The following SNTG1 variants were observed in gnomAD, a reference collection of about 807,000 sequenced individuals.
The protein encoded by SNTG1 is gamma-1-syntrophin.
A neutral mutation model predicts 74.7 loss-of-function variants in SNTG1; 39 were observed. The ratio of observed to expected loss-of-function variants is 0.52; its 90% CI spans 0.40 to 0.68. SNTG1 has a LOEUF of 0.68. Among genes scored for constraint, SNTG1 ranks in the 30% least tolerant of loss-of-function variants. The probability of loss-of-function intolerance (pLI) is 0.00; values close to 1 mark genes in which losing one functional copy is unlikely to be tolerated. For missense variants in SNTG1, 685 were observed against 609.5 expected (o/e 1.12, Z -1.30); for synonymous variants, 254 against 217.1 (o/e 1.17, Z -1.49).
chr8:50,642,104 C>CCTAT (rs1391462775), intron 13 of SNTG1, among the ~76,000 whole-genome samples: 1 of 152,156 alleles, frequency 6.6e-6, no homozygotes, highest in East Asian at 1.9e-4. Flanking sequence ...TTCTCAAAAT[C>CCTAT]CTATCTTTTA....
chr8:50,422,517 T>G (rs2093104882), intron 4 of SNTG1, among the ~76,000 whole-genome samples: 1 of 152,122 alleles, frequency 6.6e-6, no homozygotes, highest in Non-Finnish European at 1.5e-5. Context: ...AGAAAGAGTT[T>G]AATTGACATG....
intron 17 of SNTG1, among the ~76,000 whole-genome samples, chr8:50,737,562 G>A (rs1391913518): frequency 6.6e-6 from 1 of 152,074 alleles, no homozygotes; most frequent in Non-Finnish European, 1.5e-5. Flanking sequence ...CATTTTATGA[G>A]GCCAGCATCA....
At chr8:50,364,938 G>C (rs1326091688) in intron 2 of SNTG1, among the ~76,000 whole-genome samples, 2 of 151,646 alleles carry the variant, frequency 1.3e-5, no homozygotes, top group Non-Finnish European at 2.9e-5. Flanking sequence ...ATCATTTAAG[G>C]CTTTTTGCAA....
At position 49,959,732 on chromosome 8, in the gene SNTG1, A is replaced by G. The variant is rs530557136; in HGVS notation, c.-103+47501A>G. 9.2e-5 allele frequency among the ~76,000 whole-genome samples: 14 copies of G among 152,326 alleles called. No homozygotes were observed. The Middle Eastern group carries it at 0.01, about 111-fold the overall frequency. On this transcript the variant is annotated intron_variant, in intron 1 of 18. Coordinates refer to ENST00000642720, the MANE Select transcript of SNTG1 (RefSeq NM_018967.5). ...TTTCACCTGTTTCTACTTTTGGGCT[A>G]TTATGAATAATGCTTTTGTGAACAG...
chr8:50,309,203 G>C (rs556230296), intron 2 of SNTG1, among the ~76,000 whole-genome samples: 1 of 152,206 alleles, frequency 6.6e-6, no homozygotes, highest in South Asian at 2.1e-4. Flanking sequence ...ATTTGAAAGG[G>C]CACCTAGGTT....
chr8:50,290,840 A>T (rs2089058786), intron 2 of SNTG1, among the ~76,000 whole-genome samples: 1 of 151,992 alleles, frequency 6.6e-6, no homozygotes. Flanking sequence ...GGCTCACTGC[A>T]GCCTTGACTT....
chr8:49,978,643 A>T (rs1198383525), intron 1 of SNTG1, among the ~76,000 whole-genome samples: 1 of 152,196 alleles, frequency 6.6e-6, no homozygotes, highest in Non-Finnish European at 1.5e-5. Context: ...CAGAAGTATG[A>T]GGACATCACT....
intron 15 of SNTG1, among the ~76,000 whole-genome samples, chr8:50,699,522 C>T (rs542299158): frequency 2.0e-5 from 3 of 151,860 alleles, no homozygotes; most frequent in East Asian, 3.9e-4. Context: ...AAAAAAAAAC[C>T]TGTTGTTTCT....
At chr8:49,967,550 T>A (rs1049775266) in intron 1 of SNTG1, among the ~76,000 whole-genome samples, 1 of 151,546 alleles carries the variant, frequency 6.6e-6, no homozygotes, top group African/African-American at 2.4e-5. Flanking sequence ...TAATTTATTA[T>A]AATATATAAA....
intron 10 of SNTG1, among the ~76,000 whole-genome samples, chr8:50,532,928 G>A (rs879723669): frequency 6.6e-6 from 1 of 152,152 alleles, no homozygotes; most frequent in Non-Finnish European, 1.5e-5. Flanking sequence ...AGCCAATTTT[G>A]AGTAGGTATT....
chr8:50,269,554 GA>G (rs557496884), intron 2 of SNTG1, among the ~76,000 whole-genome samples: 1 of 151,754 alleles, frequency 6.6e-6, no homozygotes, highest in South Asian at 2.1e-4. Context: ...AAAAGTTAAG[GA>G]AAAAAAATTA....
At chr8:50,440,842 A>G (rs2093351441) in intron 5 of SNTG1, among the ~76,000 whole-genome samples, 2 of 152,240 alleles carry the variant, frequency 1.3e-5, no homozygotes. Flanking sequence ...GGTGCTTGTG[A>G]ATTCCGCTGG....
chr8:50,608,927 C>A (rs1236438697), intron 13 of SNTG1, among the ~76,000 whole-genome samples: 3 of 151,834 alleles, frequency 2.0e-5, no homozygotes, highest in African/African-American at 7.2e-5. Flanking sequence ...TGATCATAAT[C>A]CACTTCAATT....
At chr8:50,400,706 G>C (rs1307608055) in intron 3 of SNTG1, among the ~76,000 whole-genome samples, 1 of 152,132 alleles carries the variant, frequency 6.6e-6, no homozygotes. Context: ...ACTTGGGTGA[G>C]GTGGTATTAC....
chr8:50,244,597 A>G (rs938679233), intron 2 of SNTG1, among the ~76,000 whole-genome samples: 3 of 152,158 alleles, frequency 2.0e-5, no homozygotes, highest in African/African-American at 7.2e-5. Flanking sequence ...TTCCCTCAGG[A>G]GGACTCTGGT....
At chr8:50,658,509 T>G in intron 14 of SNTG1, 83 bp from the exon 15 acceptor site, 1 of 994,672 alleles carries the variant, frequency 1.0e-6, no homozygotes, top group Non-Finnish European at 1.5e-6. Flanking sequence ...TTTTTTCTTA[T>G]TTTTCACTAT....
chr8:50,126,366 T>C (rs1252341449), intron 1 of SNTG1, among the ~76,000 whole-genome samples: 1 of 152,078 alleles, frequency 6.6e-6, no homozygotes, highest in African/African-American at 2.4e-5. Flanking sequence ...GGAGAAGAAA[T>C]AGGTTTGAAT....
chr8:50,704,778 G>A, intron 16 of SNTG1, 26 bp downstream of exon 16: 3 of 1,612,852 alleles, frequency 1.9e-6, no homozygotes, highest in Non-Finnish European at 2.5e-6. Context: ...ACTGCAGGAT[G>A]TGTGGCTCCC....
intron 1 of SNTG1, among the ~76,000 whole-genome samples, chr8:50,102,999 C>T (rs1164330616): frequency 3.3e-5 from 5 of 151,578 alleles, no homozygotes; most frequent in African/African-American, 1.2e-4. Flanking sequence ...AGTGTGATGC[C>T]TCCAGCTTTG....
Sources: allele counts gnomAD v4.1 joint callset (sites outside exome capture counted in the v4.1 genomes callset), GRCh38; gene constraint gnomAD v4.1.1; transcripts MANE v1.5; gene names NCBI Gene and HGNC (gene_info 2026-07-23, HGNC 2026-07-21).